Variants in PSG7 observed in about 807,000 individuals in gnomAD.
PSG7 encodes pregnancy-specific beta-1-glycoprotein 7.
A neutral mutation model predicts 45.6 loss-of-function variants in PSG7; 57 were observed. The observed-to-expected ratio is 1.25, with a 90% CI of 1.01 to 1.56. The LOEUF (loss-of-function observed/expected upper bound fraction) is 1.56, where lower values mean the gene tolerates loss of function less well. PSG7 is among the 40% of genes most tolerant of loss of function. The pLI, the probability that PSG7 is intolerant of heterozygous loss-of-function variation, is 0.00. For missense variants in PSG7, 796 were observed against 508.4 expected (o/e 1.57, Z -5.44); for synonymous variants, 298 against 194.4 (o/e 1.53, Z -4.43).
At chr19:42,932,653 G>A (rs887211873) in intron 2 of PSG7, among the ~76,000 whole-genome samples, 1 of 151,502 alleles carries the variant, frequency 6.6e-6, no homozygotes, top group African/African-American at 2.4e-5. Context: ...CTCATTCCTG[G>A]ACATAGGCCA....
At position 42,935,651 on chromosome 19, in the gene PSG7, A is replaced by G. The variant is rs1973134037; in HGVS notation, c.183T>C (p.Asn61=). The G allele has an allele frequency of 1.2e-6, 2 of 1,612,104 alleles. No homozygotes were observed. The highest frequency in any genetic ancestry group is 1.7e-6 in the Non-Finnish European group (2 of 1,179,130). The change falls in exon 2 of 6, where the codon AAT becomes AAC. Residue 61 remains asparagine (N), a synonymous_variant. Coordinates refer to ENST00000406070, the MANE Select transcript of PSG7 (RefSeq NM_002783.3). ...VLLLVHNLPQ[N]LTGYIWYKGQ... is the part of the protein sequence containing the mutation. ...CTTTGTACCAGATGTAGCCAGTAAG[A>G]TTCTGGGGCAAATTGTGGACAAGTA...
chr19:42,933,288 TATATATA>T (rs1331876561), intron 2 of PSG7, among the ~76,000 whole-genome samples: 271 of 11,958 alleles, frequency 0.023, 36 homozygotes, highest in African/African-American at 0.049. Context: ...TATATATATA[TATATATA>T]TATATATATA....
At chr19:42,925,663 T>A (rs1972865260) in intron 5 of PSG7, 110 bp downstream of exon 5, 2 of 1,581,490 alleles carry the variant, frequency 1.3e-6, no homozygotes, top group Non-Finnish European at 8.6e-7. Context: ...GGGATTTGCT[T>A]GTGCCCATGG....
chr19:42,935,858 A>G lies in PSG7; in HGVS notation c.65-89T>C, dbSNP rs1419404524. On this transcript the variant is annotated intron_variant, in intron 1 of 5. Transcript: ENST00000406070. The stretch of plus-strand genomic sequence containing the variant: ...CCTGGGTCCTGAGAAGGTCTCTTCA[A>G]TCCTCAGCCTTGAAGACACACACAC... The G allele has an allele frequency of 1.2e-5, 17 of 1,458,884 alleles. No individual in the cohort carries two copies. In the Admixed American group the frequency reaches 1.8e-4, roughly 15 times the overall value. 90.4% of individuals were successfully genotyped at this position (1,458,884 alleles called of 1,614,324 possible).
chr19:42,928,911 G>A (rs1310826100), intron 3 of PSG7, among the ~76,000 whole-genome samples: 2 of 151,540 alleles, frequency 1.3e-5, no homozygotes, highest in Non-Finnish European at 1.5e-5. Flanking sequence ...TGTACTGATT[G>A]CTGGAACTTC....
At chr19:42,931,700 G>A (rs1444340626) in intron 2 of PSG7, among the ~76,000 whole-genome samples, 1 of 151,428 alleles carries the variant, frequency 6.6e-6, no homozygotes, top group Non-Finnish European at 1.5e-5. Context: ...TGAGGAAACA[G>A]TTGTATGTGG....
intron 2 of PSG7, among the ~76,000 whole-genome samples, chr19:42,933,307 A>ATTTTTTTTTTTTTT (rs397965905): frequency 4.4e-4 from 6 of 13,502 alleles, no homozygotes; most frequent in African/African-American, 8.7e-4. Flanking sequence ...ATATATATAT[A>ATTTTTTTTTTTTTT]TTTTTTTTTT....
Position 42,926,676 on chromosome 19 carries a change from G to C in PSG7, c.750C>G (p.Asn250Lys), listed in dbSNP as rs776144914. ...TTGAGACATCCTTATTCTCCCTGGG[G>C]TTTAAGTTATTGATGGTGATGTAGG... ...PKPYITINNL[N>K]PRENKDVSTF... The change falls in exon 4 of 6, where the codon AAC becomes AAG. Residue 250 changes from asparagine to lysine, a missense_variant. Transcript: ENST00000406070. The C allele has an allele frequency of 6.2e-7, 1 of 1,610,226 alleles. No homozygotes were observed. Among genetic ancestry groups the C allele is most frequent in the Non-Finnish European group, 8.5e-7 (1 of 1,179,032 alleles).
rs1256173075 is a variant in PSG7, at chr19:42,926,618, T to C, written c.808A>G (p.Thr270Ala). ...TGACCATTTAGCCACCAAATGTAGG[T>C]GTAGTTCTCACTCTTAGGTTCACAG... ...FTCEPKSENYTYIWWLNGQSL... is the reference protein window; with the variant it reads ...FTCEPKSENYAYIWWLNGQSL... Residue 270 changes from threonine to alanine, a missense_variant, in exon 4 of 6, where the codon ACC (threonine) becomes GCC (alanine). Physicochemically the swap from Thr to Ala is moderately conservative, Grantham distance 58. Coordinates refer to ENST00000406070, the MANE Select transcript of PSG7 (RefSeq NM_002783.3). 1 of 1,610,232 alleles carries C rather than the reference T, an allele frequency of 6.2e-7. No individual in the cohort carries two copies. Among genetic ancestry groups the C allele is most frequent in the Non-Finnish European group, 8.5e-7 (1 of 1,179,032 alleles).
At position 42,931,576 on chromosome 19, in the gene PSG7, G is replaced by C. The variant is rs564037441; in HGVS notation, c.431-1856C>G. ...CTTTCTTCATTTTCTCTTAAGCTCA[G>C]GAAACACCACTAGAGTTTAAGTTTG... On this transcript the variant is annotated intron_variant, in intron 2 of 5. Coordinates refer to ENST00000406070, the MANE Select transcript of PSG7 (RefSeq NM_002783.3). Among the ~76,000 whole-genome samples the C allele has an allele frequency of 2.8e-4, 43 of 151,706 alleles. 3 individuals are homozygous for C. In the Middle Eastern group the frequency reaches 0.01, roughly 36 times the overall value.
At chr19:42,925,436 G>T in intron 5 of PSG7, 1 of 569,998 alleles carries the variant, frequency 1.8e-6, no homozygotes, top group Non-Finnish European at 2.8e-6. Flanking sequence ...TAGATTAAAA[G>T]ACAAATTTCC....
At chr19:42,929,193 C>T in intron 3 of PSG7, 8 of 870,710 alleles carry the variant, frequency 9.2e-6, no homozygotes, top group Admixed American at 3.0e-5. Context: ...GAGCCTGAGA[C>T]ATTCACCTGT....
At chr19:42,933,305 A>T (rs1389934815) in intron 2 of PSG7, among the ~76,000 whole-genome samples, 3,616 of 13,446 alleles carry the variant, frequency 0.27, 520 homozygotes, top group African/African-American at 0.4. Flanking sequence ...ATATATATAT[A>T]TATTTTTTTT....
intron 2 of PSG7, among the ~76,000 whole-genome samples, chr19:42,931,887 C>CT (rs553817753): frequency 1.4e-5 from 2 of 145,182 alleles, no homozygotes; most frequent in African/African-American, 5.2e-5. Context: ...TGTTGTTCCA[C>CT]TTTTTTTCCC....
chr19:42,932,162 T>C lies in PSG7; in HGVS notation c.431-2442A>G, dbSNP rs971465180. ...CCTCAGCCTCCCGAGTAGCTGGGAC[T>C]ACAGGTGCCCACCACCACGTCCCAC... On this transcript the variant is annotated intron_variant, in intron 2 of 5. Coordinates refer to ENST00000406070, the MANE Select transcript of PSG7 (RefSeq NM_002783.3). Among the ~76,000 whole-genome samples, 162 of 151,410 alleles carry C rather than the reference T, an allele frequency of 1.1e-3. 7 individuals carry two copies. Among genetic ancestry groups the C allele is most frequent in the Non-Finnish European group, 2.1e-4 (14 of 67,840 alleles).
Position 42,935,660 on chromosome 19 carries a change from C to A in PSG7, c.174G>T (p.Leu58Phe), listed in dbSNP as rs782138572. ...GKDVLLLVHN[L>F]PQNLTGYIWY... is the part of the protein sequence containing the mutation. ...AGATGTAGCCAGTAAGATTCTGGGG[C>A]AAATTGTGGACAAGTAGAAGAACAT... The change falls in exon 2 of 6, where the codon TTG becomes TTT. Residue 58 changes from leucine to phenylalanine, a missense_variant. By Grantham distance (22) the Leu-to-Phe change is conservative. Coordinates refer to ENST00000406070, the MANE Select transcript of PSG7 (RefSeq NM_002783.3). 3.1e-6 allele frequency: 5 copies of A among 1,611,878 alleles called. No homozygotes were observed. Among genetic ancestry groups the A allele is most frequent in the African/African-American group, 2.7e-5 (2 of 74,454 alleles).
rs1972483600 is a variant in PSG7 at position 42,924,506 on chromosome 19, CA to C, written c.*301del. ...GCCAAGTGAAAGAGGCAGGCACAAG[CA>C]AGGACAGCTAAGAGGGGTGAGAGCC... is the stretch of plus-strand genomic sequence containing the variant. On this transcript the variant is annotated 3_prime_UTR_variant, in exon 6 of 6. Coordinates refer to ENST00000406070, the MANE Select transcript of PSG7 (RefSeq NM_002783.3). 3 of 572,160 alleles carry C rather than the reference CA, an allele frequency of 5.2e-6. No homozygotes were observed. In the South Asian group the frequency reaches 7.5e-5, roughly 14 times the overall value. 35.4% of individuals were successfully genotyped at this position (572,160 alleles called of 1,614,324 possible).
In PSG7 at chr19:42,926,715, C is replaced by T. The variant is rs145405049; in HGVS notation, c.711G>A (p.Pro237=). The T allele has an allele frequency of 1.2e-4, 193 of 1,610,202 alleles. 8 individuals carry two copies. The highest frequency in any genetic ancestry group is 6.4e-4 in the African/African-American group (48 of 74,702). The change falls in exon 4 of 6, where the codon CCG becomes CCA. Residue 237 remains proline, a splice_region_variant and synonymous_variant. Coordinates refer to ENST00000406070, the MANE Select transcript of PSG7 (RefSeq NM_002783.3). ...RSDPVTLNLL[P]KLPKPYITIN... Reference sequence around the variant, plus strand: ...TGGTGATGTAGGGCTTGGGCAGCTTCGCTGTGTGAATAACAGAGAGAAGAT... The same window carrying T: ...TGGTGATGTAGGGCTTGGGCAGCTTTGCTGTGTGAATAACAGAGAGAAGAT...
intron 2 of PSG7, 90 bp from the exon 3 acceptor site, chr19:42,929,810 C>T (rs1197076034): frequency 2.7e-6 from 4 of 1,507,272 alleles, no homozygotes; most frequent in East Asian, 2.3e-5. Flanking sequence ...TTTCCAACCT[C>T]TCAGCCCACC....
Sources: allele counts gnomAD v4.1 joint callset (sites outside exome capture counted in the v4.1 genomes callset), GRCh38; gene constraint gnomAD v4.1.1; transcripts MANE v1.5; gene names NCBI Gene and HGNC (gene_info 2026-07-23, HGNC 2026-07-21).